ESRRG: variants seen among roughly 807,000 people sequenced by gnomAD.
The protein encoded by ESRRG is estrogen related receptor gamma.
A neutral mutation model predicts 44.0 loss-of-function variants in ESRRG; 13 were observed. The ratio of observed to expected loss-of-function variants is 0.30; its 90% CI spans 0.19 to 0.47. The LOEUF (loss-of-function observed/expected upper bound fraction) is 0.47, where lower values mean the gene tolerates loss of function less well. Among genes scored for constraint, ESRRG ranks in the 20% least tolerant of loss-of-function variants. The probability of loss-of-function intolerance (pLI) is 1.00; values close to 1 mark genes in which losing one functional copy is unlikely to be tolerated. For missense variants in ESRRG, 395 were observed against 580.6 expected (o/e 0.68, Z 3.29); for synonymous variants, 215 against 214.6 (o/e 1.00, Z -0.02).
chr1:216,518,338 G>T (rs977608842), intron 6 of ESRRG, among the ~76,000 whole-genome samples: 5 of 152,078 alleles, frequency 3.3e-5, no homozygotes, highest in African/African-American at 1.2e-4. Context: ...AAAACTACTG[G>T]CCGGCAACCA....
In ESRRG at chr1:216,837,901, ATTG is replaced by A. The variant is rs544692588; in HGVS notation, c.-14+101678_-14+101680del. Among the ~76,000 whole-genome samples, 19 of 152,250 alleles carry A rather than the reference ATTG, an allele frequency of 1.2e-4. No individual in the cohort carries two copies. In the South Asian group the frequency reaches 4.0e-3, roughly 32 times the overall value. On this transcript the variant is annotated intron_variant, in intron 2 of 7. Coordinates refer to the ESRRG transcript ENST00000359162. ...CTTTACATTGTGAGGTGTTTTTGTCATTGTTGTTGTTCCAATAGAGAGAGTAGA... is the reference window on the plus strand; with the variant it reads ...CTTTACATTGTGAGGTGTTTTTGTCATTGTTGTTCCAATAGAGAGAGTAGA...
chr1:216,527,557 A>T (rs1009012540), intron 5 of ESRRG, among the ~76,000 whole-genome samples: 7 of 151,988 alleles, frequency 4.6e-5, no homozygotes, highest in African/African-American at 1.7e-4. Context: ...TAATTCCTCC[A>T]TGGATGTCCT....
chr1:216,743,565 A>G (rs1166867275), intron 2 of ESRRG, among the ~76,000 whole-genome samples: 2 of 152,214 alleles, frequency 1.3e-5, no homozygotes, highest in African/African-American at 4.8e-5. Flanking sequence ...TAAATTAGAA[A>G]ACACATTGTG....
intron 2 of ESRRG, among the ~76,000 whole-genome samples, 183 bp from the exon 3 acceptor site, chr1:216,651,272 T>C (rs751984758): frequency 1.6e-4 from 24 of 152,188 alleles, no homozygotes; most frequent in Non-Finnish European, 2.5e-4. Context: ...AAAAGATACA[T>C]GGGGCAAGGA....
rs2077754649 is a variant in ESRRG at position 217,006,482 on chromosome 1, A to C, written c.-105-66809T>G. Reference sequence around the variant, plus strand: ...GTGGAGCCAACATTGCACTACAGTTACGTTGGAACTGGCTTAATAACAAAG... The same window carrying C: ...GTGGAGCCAACATTGCACTACAGTTCCGTTGGAACTGGCTTAATAACAAAG... On this transcript the variant is annotated intron_variant, in intron 1 of 7. Coordinates refer to the ESRRG transcript ENST00000359162. Among the ~76,000 whole-genome samples the C allele has an allele frequency of 2.0e-5, 3 of 152,206 alleles. No homozygotes were observed. In the South Asian group the frequency reaches 6.2e-4, roughly 31 times the overall value.
At chr1:216,551,165 A>G (rs1396421381) in intron 5 of ESRRG, among the ~76,000 whole-genome samples, 3 of 152,168 alleles carry the variant, frequency 2.0e-5, no homozygotes, top group Non-Finnish European at 4.4e-5. Flanking sequence ...TGCATAAACC[A>G]TGCATCATAG....
At chr1:216,850,366 G>A (rs1452163712) in intron 2 of ESRRG, among the ~76,000 whole-genome samples, 1 of 150,282 alleles carries the variant, frequency 6.7e-6, no homozygotes, top group African/African-American at 2.5e-5. Context: ...CAATTCATTA[G>A]TTAAAGAACT....
chr1:216,674,193 A>G (rs925034729), intron 2 of ESRRG, among the ~76,000 whole-genome samples: 1 of 152,224 alleles, frequency 6.6e-6, no homozygotes, highest in African/African-American at 2.4e-5. Context: ...GTGTGCTTTC[A>G]TTCTCAAGTT....
intron 1 of ESRRG, among the ~76,000 whole-genome samples, chr1:216,680,809 A>G (rs1259961188): frequency 1.3e-5 from 2 of 152,214 alleles, no homozygotes; most frequent in Admixed American, 6.5e-5. Context: ...ACTATCTATA[A>G]ATTCAATTGT....
At chr1:216,724,958 T>C (rs2087184300), upstream of ESRRG, among the ~76,000 whole-genome samples, 1 of 152,162 alleles carries the variant, frequency 6.6e-6, no homozygotes, top group Non-Finnish European at 1.5e-5. Flanking sequence ...ATGATAGAAA[T>C]AGTATAATCT....
intron 2 of ESRRG, among the ~76,000 whole-genome samples, chr1:216,663,151 T>C (rs973859852): frequency 1.6e-4 from 24 of 152,312 alleles, no homozygotes; most frequent in African/African-American, 5.8e-4. Flanking sequence ...AAATTTGAAA[T>C]TGTTTTCCAT....
intron 4 of ESRRG, among the ~76,000 whole-genome samples, chr1:216,567,316 A>T (rs2059853646): frequency 6.6e-6 from 1 of 152,210 alleles, no homozygotes; most frequent in African/African-American, 2.4e-5. Context: ...AATGACAAAA[A>T]GAATGGGGCT....
chr1:216,629,081 G>A (rs1011749665), intron 3 of ESRRG, among the ~76,000 whole-genome samples: 6 of 152,088 alleles, frequency 3.9e-5, no homozygotes, highest in Admixed American at 3.9e-4. Flanking sequence ...CCCTTCCTTT[G>A]TGCTCCCATG....
intron 2 of ESRRG, among the ~76,000 whole-genome samples, chr1:216,769,437 A>G (rs1240536479): frequency 1.3e-5 from 2 of 152,146 alleles, no homozygotes; most frequent in Non-Finnish European, 2.9e-5. Flanking sequence ...AAATAGTGTG[A>G]GATGACATTG....
chr1:216,631,780 A>T (rs986990541), intron 3 of ESRRG, among the ~76,000 whole-genome samples: 5 of 152,194 alleles, frequency 3.3e-5, no homozygotes, highest in Non-Finnish European at 7.4e-5. Context: ...GAAATAATAC[A>T]ACTGTCTATT....
At chr1:216,725,445 A>C (rs2087311776), upstream of ESRRG, among the ~76,000 whole-genome samples, 1 of 152,184 alleles carries the variant, frequency 6.6e-6, no homozygotes, top group Non-Finnish European at 1.5e-5. Context: ...TGAGAGAAAA[A>C]AAAAATTGTC....
rs1236321699 is a variant in ESRRG, at chr1:216,719,739, T to C, written c.56+3505A>G. 2.0e-5 allele frequency among the ~76,000 whole-genome samples: 3 copies of C among 151,984 alleles called. No homozygotes were observed. The East Asian group carries it at 5.8e-4, about 29-fold the overall frequency. The stretch of plus-strand genomic sequence containing the variant: ...AAAACACTAGAAAAATGATCATCCA[T>C]GCAAGAGAATTAATGGATATCCACA... On this transcript the variant is annotated intron_variant, in intron 1 of 6. Coordinates refer to ENST00000408911, the MANE Select transcript of ESRRG (RefSeq NM_001438.4).
chr1:217,082,805 G>A (rs2091856602), intron 1 of ESRRG, among the ~76,000 whole-genome samples: 1 of 151,932 alleles, frequency 6.6e-6, no homozygotes, highest in African/African-American at 2.4e-5. Flanking sequence ...ATGAATTTAG[G>A]TGTTAAAAGC....
intron 1 of ESRRG, among the ~76,000 whole-genome samples, chr1:217,059,944 T>A (rs529982842): frequency 3.1e-4 from 47 of 152,162 alleles, no homozygotes; most frequent in African/African-American, 1.1e-3. Context: ...GGATGCACAC[T>A]GGGTGACAAA....
Sources: allele counts gnomAD v4.1 joint callset (sites outside exome capture counted in the v4.1 genomes callset), GRCh38; gene constraint gnomAD v4.1.1; transcripts MANE v1.5; gene names NCBI Gene and HGNC (gene_info 2026-07-23, HGNC 2026-07-21).